Variants in IKZF2 observed in about 807,000 individuals in gnomAD.
IKZF2 encodes IKAROS family zinc finger 2, also known as zinc finger protein Helios.
In IKZF2, 15 loss-of-function variants were observed where a neutral mutation model predicts 49.2. The observed-to-expected ratio is 0.30, with a 90% confidence interval of 0.20 to 0.47. The LOEUF (loss-of-function observed/expected upper bound fraction) is 0.47, where lower values mean the gene tolerates loss of function less well. Among genes scored for constraint, IKZF2 ranks in the 20% least tolerant of loss-of-function variants. The pLI, the probability that IKZF2 is intolerant of heterozygous loss-of-function variation, is 1.00. For synonymous variants in IKZF2, 227 were observed against 221.4 expected, an observed-to-expected ratio of 1.03 and a Z score of -0.23; for missense variants, 567 against 664.6, an observed-to-expected ratio of 0.85 and a Z score of 1.61.
chr2:213,009,817 T>C (rs1695752316), intron 8 of IKZF2, among the ~76,000 whole-genome samples: 1 of 151,958 alleles, frequency 6.6e-6, no homozygotes, highest in Non-Finnish European at 1.5e-5. Context: ...TCAAGGACAA[T>C]AATGTGATTG....
chr2:213,036,744 C>G (rs1033753920), intron 6 of IKZF2, among the ~76,000 whole-genome samples: 1 of 152,104 alleles, frequency 6.6e-6, no homozygotes, highest in African/African-American at 2.4e-5. Flanking sequence ...ATTTTACATG[C>G]TTATGATGAA....
Position 213,020,353 on chromosome 2 carries a change from C to G in IKZF2, c.712+1640G>C, listed in dbSNP as rs138456538. ...ATGTTCTCAAATGTTAACAGTAAAGCAAACCATTTATTGGGCATTTATTAC... is the reference window on the plus strand; with the variant it reads ...ATGTTCTCAAATGTTAACAGTAAAGGAAACCATTTATTGGGCATTTATTAC... On this transcript the variant is annotated intron_variant, in intron 7 of 8. Transcript: ENST00000434687. Among the ~76,000 whole-genome samples the G allele has an allele frequency of 4.3e-4, 66 of 152,144 alleles. No individual in the cohort carries two copies. The East Asian group carries it at 0.01, about 24-fold the overall frequency.
At chr2:213,085,665 A>G (rs986711421) in intron 4 of IKZF2, among the ~76,000 whole-genome samples, 1 of 152,186 alleles carries the variant, frequency 6.6e-6, no homozygotes, top group African/African-American at 2.4e-5. Flanking sequence ...TGACCTGAGA[A>G]AAACACCTGA....
chr2:213,145,335 A>G (rs865971126), intron 4 of IKZF2, among the ~76,000 whole-genome samples: 31 of 151,936 alleles, frequency 2.0e-4, no homozygotes, highest in African/African-American at 7.5e-4. Context: ...CAAAATTGCA[A>G]TTCTGTTTTT....
At chr2:213,078,144 T>C (rs1037316105) in intron 4 of IKZF2, among the ~76,000 whole-genome samples, 13 of 152,178 alleles carry the variant, frequency 8.5e-5, no homozygotes, top group African/African-American at 2.9e-4. Context: ...AATTCATGAA[T>C]ACAAAGATTT....
intron 4 of IKZF2, among the ~76,000 whole-genome samples, chr2:213,066,633 G>C (rs969613706): frequency 6.6e-6 from 1 of 152,020 alleles, no homozygotes; most frequent in African/African-American, 2.4e-5. Context: ...TGATTAAGGG[G>C]AATTAAAGCA....
At chr2:213,148,363 C>T (rs931157195) in intron 3 of IKZF2, among the ~76,000 whole-genome samples, 4 of 152,216 alleles carry the variant, frequency 2.6e-5, no homozygotes, top group Admixed American at 2.0e-4. Context: ...AAGTGTTGAA[C>T]TGCTAGCTAC....
chr2:213,107,426 G>A (rs771536418), intron 4 of IKZF2, among the ~76,000 whole-genome samples: 9 of 152,162 alleles, frequency 5.9e-5, no homozygotes, highest in Non-Finnish European at 7.4e-5. Flanking sequence ...TTTTAAGTAC[G>A]TGTACATACA....
chr2:213,082,964 A>G (rs1426206696), intron 4 of IKZF2, among the ~76,000 whole-genome samples: 1 of 152,176 alleles, frequency 6.6e-6, no homozygotes, highest in East Asian at 1.9e-4. Flanking sequence ...ATTCATTTAG[A>G]GGTCCAGAAA....
At chr2:213,135,765 G>C (rs2060634401) in intron 4 of IKZF2, among the ~76,000 whole-genome samples, 2 of 151,896 alleles carry the variant, frequency 1.3e-5, no homozygotes, top group African/African-American at 4.8e-5. Context: ...GGAAAGAAAA[G>C]AGAAGAGAAG....
intron 2 of IKZF2, 51 bp downstream of exon 2, chr2:213,150,093 G>A (rs889291312): frequency 9.2e-7 from 1 of 1,081,928 alleles, no homozygotes; most frequent in African/African-American, 1.6e-5. Flanking sequence ...AACCCTCAGA[G>A]AAGGAAAGAA....
At chr2:213,142,837 C>T (rs1027706749) in intron 4 of IKZF2, among the ~76,000 whole-genome samples, 14 of 151,986 alleles carry the variant, frequency 9.2e-5, no homozygotes, top group Non-Finnish European at 1.3e-4. Flanking sequence ...AAGCATCTAG[C>T]ATACTAAGTG....
intron 4 of IKZF2, among the ~76,000 whole-genome samples, chr2:213,115,806 A>G (rs1402719593): frequency 1.3e-5 from 2 of 152,220 alleles, no homozygotes; most frequent in African/African-American, 2.4e-5. Context: ...GTAAACCAAA[A>G]AAGTCAAAAT....
intron 4 of IKZF2, among the ~76,000 whole-genome samples, chr2:213,068,068 A>T (rs777576812): frequency 1.5e-4 from 23 of 152,152 alleles, no homozygotes; most frequent in Non-Finnish European, 2.6e-4. Flanking sequence ...AAAGCTCATA[A>T]CTAAAGTATG....
chr2:213,115,736 T>C lies in IKZF2; in HGVS notation c.139+31972A>G, dbSNP rs1238397532. 2.0e-5 allele frequency among the ~76,000 whole-genome samples: 3 copies of C among 152,252 alleles called. No homozygotes were observed. The East Asian group carries it at 5.8e-4, about 29-fold the overall frequency. ...ATCTTGGAACAGTCATAATTGGTAT[T>C]AGACCAAGTTTTTCCCGTCAAAACC... On this transcript the variant is annotated intron_variant, in intron 4 of 8. Transcript: ENST00000434687.
At chr2:213,071,513 C>T (rs879435553) in intron 4 of IKZF2, among the ~76,000 whole-genome samples, 5 of 151,998 alleles carry the variant, frequency 3.3e-5, no homozygotes, top group East Asian at 1.9e-4. Flanking sequence ...ACTTTTGTAC[C>T]GGACACACTG....
intron 4 of IKZF2, among the ~76,000 whole-genome samples, chr2:213,126,142 T>C (rs1339244984): frequency 6.6e-6 from 1 of 152,200 alleles, no homozygotes; most frequent in Admixed American, 6.5e-5. Flanking sequence ...AATTTTGTAA[T>C]GCTGGCCACA....
At chr2:213,060,238 C>T (rs1701550818) in intron 4 of IKZF2, among the ~76,000 whole-genome samples, 1 of 151,168 alleles carries the variant, frequency 6.6e-6, no homozygotes, top group Admixed American at 6.6e-5. Flanking sequence ...AAGATGTTTG[C>T]AATTAATGTA....
At chr2:213,058,659 T>C (rs1701398191) in intron 4 of IKZF2, among the ~76,000 whole-genome samples, 1 of 151,884 alleles carries the variant, frequency 6.6e-6, no homozygotes, top group African/African-American at 2.4e-5. Context: ...TAAAAAGAGT[T>C]GGGACAGTAT....
Sources: allele counts gnomAD v4.1 joint callset (sites outside exome capture counted in the v4.1 genomes callset), GRCh38; gene constraint gnomAD v4.1.1; transcripts MANE v1.5; gene names NCBI Gene and HGNC (gene_info 2026-07-23, HGNC 2026-07-21).